MAP2K2: variants seen among roughly 807,000 people sequenced by gnomAD.
MAP2K2 encodes dual specificity mitogen-activated protein kinase kinase 2.
A neutral mutation model predicts 43.7 loss-of-function variants in MAP2K2; 24 were observed. The ratio of observed to expected loss-of-function variants is 0.55; its 90% CI spans 0.40 to 0.77. MAP2K2 has a LOEUF of 0.77. Ranked by LOEUF, MAP2K2 falls within the 30% of genes least tolerant of loss-of-function variation. The pLI is 0.00. For synonymous variants in MAP2K2, 244 were observed against 239.7 expected (o/e 1.02, Z -0.17); for missense variants, 470 against 566.8 (o/e 0.83, Z 1.73).
intron 2 of MAP2K2, among the ~76,000 whole-genome samples, chr19:4,114,400 G>A (rs2041195033): frequency 6.6e-6 from 1 of 152,216 alleles, no homozygotes; most frequent in South Asian, 2.1e-4. Context: ...GTACTGTGAG[G>A]TGGCCTTGGG....
rs1057519809 is a variant in MAP2K2, at chr19:4,117,586, G to C, written c.136C>G (p.Leu46Val). ...AGCCGCTTCTTCTGCTGCTCGTCAA[G>C]TTCCAGCTCCTCCAGCTTCTTCTGC... Reference protein sequence around the residue: ...DLQKKLEELELDEQQKKRLEA... With the variant: ...DLQKKLEELEVDEQQKKRLEA... Residue 46 changes from leucine (L) to valine (V), a missense_variant, in exon 2 of 11, where the codon CTT becomes GTT. By Grantham distance (32) the Leu-to-Val change is conservative. Coordinates refer to ENST00000262948, the MANE Select transcript of MAP2K2 (RefSeq NM_030662.4). 1.2e-6 allele frequency: 2 copies of C among 1,614,168 alleles called. No homozygotes were observed. Among genetic ancestry groups the C allele is most frequent in the Non-Finnish European group, 1.7e-6 (2 of 1,180,044 alleles).
intron 3 of MAP2K2, among the ~76,000 whole-genome samples, chr19:4,110,052 C>A (rs892838299): frequency 2.0e-5 from 3 of 152,048 alleles, no homozygotes; most frequent in African/African-American, 7.2e-5. Context: ...ACCTGTAATC[C>A]CAGCACTTTG....
Position 4,115,399 on chromosome 19 carries a change from C to A in MAP2K2, c.303+2020G>T, listed in dbSNP as rs1409164398. Among the ~76,000 whole-genome samples, 1 of 152,222 alleles carries A rather than the reference C, an allele frequency of 6.6e-6. No homozygotes were observed. The highest frequency in any genetic ancestry group is 2.4e-5 in the African/African-American group (1 of 41,466). Reference sequence around the variant, plus strand: ...CATTGGGTTCATGTCCACTGCCCAGCCCATCAGGGACCACTGGAGGCTCCC... The same window carrying A: ...CATTGGGTTCATGTCCACTGCCCAGACCATCAGGGACCACTGGAGGCTCCC... On this transcript the variant is annotated intron_variant, in intron 2 of 10. Coordinates refer to ENST00000262948, the MANE Select transcript of MAP2K2 (RefSeq NM_030662.4). This position sits in a 1 kb window ranked among gnomAD's most constrained non-coding sequence, Gnocchi z 4.1.
chr19:4,095,061 CG>C, intron 9 of MAP2K2: 1 of 371,410 alleles, frequency 2.7e-6, no homozygotes, highest in Non-Finnish European at 5.0e-6. Flanking sequence ...GGGCGGATCC[CG>C]GGGAGCCCAC....
At chr19:4,104,954 A>C (rs527920495) in intron 3 of MAP2K2, among the ~76,000 whole-genome samples, 65 of 152,326 alleles carry the variant, frequency 4.3e-4, no homozygotes, top group Non-Finnish European at 7.6e-4. Context: ...ACAACCACAC[A>C]CATCCCCAGA....
In MAP2K2 at chr19:4,090,552, G is replaced by A. The variant is rs1391417743; in HGVS notation, c.*46C>T. On this transcript the variant is annotated 3_prime_UTR_variant, in exon 11 of 11. Coordinates refer to ENST00000262948, the MANE Select transcript of MAP2K2 (RefSeq NM_030662.4). ...AGCTGGAAGGGCGGGGCATGGACAG[G>A]GACGGTGGGCAGGTCACCAGCGGGA... 6.9e-6 allele frequency: 10 copies of A among 1,456,852 alleles called. No homozygotes were observed. The East Asian group carries it at 1.5e-4, about 22-fold the overall frequency. 90.2% of individuals were successfully genotyped at this position (1,456,852 alleles called of 1,614,324 possible).
Position 4,094,467 on chromosome 19 carries a change from G to C in MAP2K2, c.1078C>G (p.Leu360Val). 1 of 1,566,988 alleles carries C rather than the reference G, an allele frequency of 6.4e-7. No homozygotes were observed. The highest frequency in any genetic ancestry group is 8.7e-7 in the Non-Finnish European group (1 of 1,155,150). ...GCATCACTCACTGTGAGCATCTTCA[G>C]GTCCGCCCGCTCCGCTGGGTTCTTG... ...LIKNPAERAD[L>V]KMLTNHTFIK... Residue 360 changes from leucine to valine, a missense_variant, in exon 10 of 11, where the codon CTG becomes GTG. Leu to Val is a conservative substitution (Grantham distance 32). Coordinates refer to ENST00000262948, the MANE Select transcript of MAP2K2 (RefSeq NM_030662.4).
chr19:4,122,460 C>T (rs1449957395), intron 1 of MAP2K2, among the ~76,000 whole-genome samples: 4 of 86,706 alleles, frequency 4.6e-5, no homozygotes, highest in Non-Finnish European at 7.3e-5. Flanking sequence ...CCATAGGGAC[C>T]CCCTCACCCC....
chr19:4,101,316 C>T lies in MAP2K2; in HGVS notation c.529-36G>A, dbSNP rs1214112209. The T allele has an allele frequency of 5.8e-6, 9 of 1,561,750 alleles. No individual in the cohort carries two copies. The highest frequency in any genetic ancestry group is 6.1e-6 in the Non-Finnish European group (7 of 1,153,036). On this transcript the variant is annotated intron_variant, in intron 4 of 10. Transcript: ENST00000262948. This position sits in a 1 kb window ranked among gnomAD's most constrained non-coding sequence, Gnocchi z 6.3. Reference sequence around the variant, plus strand: ...GCGCGGAGGGAGTCACGGGACAAGGCCACCAGGGCTTAGCTCCTGACCGAG... The same window carrying T: ...GCGCGGAGGGAGTCACGGGACAAGGTCACCAGGGCTTAGCTCCTGACCGAG...
intron 6 of MAP2K2, 179 bp from the exon 7 acceptor site, chr19:4,099,593 C>T (rs1166574187): frequency 1.1e-5 from 7 of 616,940 alleles, no homozygotes; most frequent in South Asian, 5.9e-5. Flanking sequence ...CCCTGCGGCA[C>T]TTGCTGAAGA....
intron 2 of MAP2K2, among the ~76,000 whole-genome samples, chr19:4,111,281 G>A (rs1158405803): frequency 2.6e-5 from 4 of 152,198 alleles, no homozygotes; most frequent in African/African-American, 9.7e-5. Flanking sequence ...TGTAAGGTAT[G>A]TGAATTACAC....
chr19:4,123,862 C>T lies in MAP2K2; in HGVS notation c.14G>A (p.Arg5Lys). MLAR[R>K]KPVLPALTIN... Reference sequence around the variant, plus strand: ...GGTGAGCGCCGGCAGCACCGGCTTCCTCCGGGCCAGCATCGGGGCTCCGCG... The same window carrying T: ...GGTGAGCGCCGGCAGCACCGGCTTCTTCCGGGCCAGCATCGGGGCTCCGCG... The change falls in exon 1 of 11, where the codon AGG becomes AAG. Residue 5 changes from arginine to lysine, a missense_variant. This residue lies in a region of MAP2K2 where 58 missense variants were observed against 48.0 expected (regional missense o/e 1.21). Transcript: ENST00000262948. 6.7e-7 allele frequency: 1 copy of T among 1,502,008 alleles called. No individual in the cohort carries two copies. The highest frequency in any genetic ancestry group is 8.9e-7 in the Non-Finnish European group (1 of 1,126,358). 93.0% of individuals were successfully genotyped at this position (1,502,008 alleles called of 1,614,324 possible).
intron 2 of MAP2K2, among the ~76,000 whole-genome samples, chr19:4,112,574 C>G (rs1264147699): frequency 6.6e-6 from 1 of 152,142 alleles, no homozygotes; most frequent in Admixed American, 6.5e-5. Flanking sequence ...ATGGCAGGGC[C>G]CGGGGCACGG....
rs10250 is a variant in MAP2K2, at chr19:4,101,064, G to T, written c.660C>A (p.Ile220=). ...LCDFGVSGQL[I]DSMANSFVGT... ...CCACGAAGGAGTTGGCCATGGAGTC[G>T]ATGAGCTGGCCGCTCACCCCGAAGT... The change falls in exon 6 of 11, where the codon ATC becomes ATA. Residue 220 remains isoleucine (I), a synonymous_variant. Transcript: ENST00000262948. The surrounding 1 kb of genome is among the most constrained non-coding windows in gnomAD (Gnocchi z 6.3). 0.47 allele frequency: 743,899 copies of T among 1,585,444 alleles called. 177,276 individuals carry two copies. The highest frequency in any genetic ancestry group is 0.57 in the East Asian group (24,421 of 43,042).
chr19:4,093,559 C>T (rs1295042107), intron 10 of MAP2K2, among the ~76,000 whole-genome samples: 7 of 151,846 alleles, frequency 4.6e-5, no homozygotes, highest in African/African-American at 9.7e-5. Context: ...GGTGTGGTGG[C>T]GGGTGCCTGT....
chr19:4,102,283 C>G (rs1463011810), intron 4 of MAP2K2, 93 bp downstream of exon 4: 3 of 1,128,422 alleles, frequency 2.7e-6, no homozygotes, highest in Non-Finnish European at 3.9e-6. Context: ...CTAACCCCCA[C>G]CACACTGTGA....
rs2041339520 is a variant in MAP2K2 at position 4,124,056 on chromosome 19, G to A, written c.-181C>T. On this transcript the variant is annotated 5_prime_UTR_variant, in exon 1 of 11. Coordinates refer to ENST00000262948, the MANE Select transcript of MAP2K2 (RefSeq NM_030662.4). ...AGGGTAGCCGAGGGGCGCTGGGGCTGAGGCGAGCGAGCCGCTACCGCTGCC... is the reference window on the plus strand; with the variant it reads ...AGGGTAGCCGAGGGGCGCTGGGGCTAAGGCGAGCGAGCCGCTACCGCTGCC... 9.7e-6 allele frequency: 2 copies of A among 206,758 alleles called. No individual in the cohort carries two copies. The highest frequency in any genetic ancestry group is 4.6e-5 in the African/African-American group (2 of 43,634). 12.8% of individuals were successfully genotyped at this position (206,758 alleles called of 1,614,324 possible).
At chr19:4,109,011 G>A (rs1003803893) in intron 3 of MAP2K2, among the ~76,000 whole-genome samples, 1 of 152,198 alleles carries the variant, frequency 6.6e-6, no homozygotes, top group African/African-American at 2.4e-5. Context: ...CTCCAAGGCG[G>A]GTGCTGCCTT....
intron 8 of MAP2K2, among the ~76,000 whole-genome samples, chr19:4,095,851 T>C (rs1403004187): frequency 6.6e-6 from 1 of 152,236 alleles, no homozygotes; most frequent in East Asian, 1.9e-4. Context: ...CTTGGCTCAC[T>C]GCAGCCTCCA....
Sources: gnomAD v4.1 joint callset for allele counts (sites outside exome capture counted in the v4.1 genomes callset) on GRCh38, gnomAD v4.1.1 for gene constraint, gnomAD v4.1.1 regional missense constraint, Gnocchi (gnomAD v3.1) non-coding constraint, MANE v1.5 for transcripts, NCBI Gene and HGNC (gene_info 2026-07-23, HGNC 2026-07-21) for gene names.